MED13L: variants seen among roughly 807,000 people sequenced by gnomAD.
The protein encoded by MED13L is mediator of RNA polymerase II transcription subunit 13-like.
In MED13L, 7 loss-of-function variants were observed where a neutral mutation model predicts 220.9. That is an observed-to-expected ratio of 0.03 (90% CI 0.02 to 0.06). The LOEUF (loss-of-function observed/expected upper bound fraction) is 0.06. Among genes scored for constraint, MED13L ranks in the 10% least tolerant of loss-of-function variants. The probability of loss-of-function intolerance (pLI) is 1.00; values close to 1 mark genes in which losing one functional copy is unlikely to be tolerated. For synonymous variants in MED13L, 1,011 were observed against 1,015.2 expected, an observed-to-expected ratio of 1.00 and a Z score of 0.08; for missense variants, 1,965 against 2,760.5, an observed-to-expected ratio of 0.71 and a Z score of 6.46.
chr12:116,263,336 T>C lies in MED13L; in HGVS notation c.72+13724A>G, dbSNP rs112675810. On this transcript the variant is annotated intron_variant, in intron 1 of 30. Transcript: ENST00000281928. Reference sequence around the variant, plus strand: ...GAAGACCAAAAAAAGTAAAACTGACTGAGAAAAGGTCTAAAAATCTCATTA... The same window carrying C: ...GAAGACCAAAAAAAGTAAAACTGACCGAGAAAAGGTCTAAAAATCTCATTA... Among the ~76,000 whole-genome samples the C allele has an allele frequency of 8.0e-3, 1,219 of 152,238 alleles. 24 individuals are homozygous for C. Among genetic ancestry groups the C allele is most frequent in the African/African-American group, 0.028 (1,150 of 41,530 alleles).
intron 3 of MED13L, among the ~76,000 whole-genome samples, chr12:116,102,268 T>C (rs1873120740): frequency 6.6e-6 from 1 of 152,204 alleles, no homozygotes; most frequent in Admixed American, 6.5e-5. Flanking sequence ...CAGGCAGACC[T>C]GACGTAAGAT....
chr12:116,020,274 C>T (rs1879981991), intron 5 of MED13L, among the ~76,000 whole-genome samples: 1 of 149,854 alleles, frequency 6.7e-6, no homozygotes, highest in South Asian at 2.1e-4. Flanking sequence ...ATTATTTATA[C>T]ACCTCTCACC....
At chr12:115,997,874 T>C (rs1398815088) in intron 14 of MED13L, among the ~76,000 whole-genome samples, 4 of 152,250 alleles carry the variant, frequency 2.6e-5, no homozygotes, top group African/African-American at 9.6e-5. Context: ...TGGAAGCAAT[T>C]AGATAGTTAC....
chr12:116,242,351 T>C (rs772433110), intron 1 of MED13L, among the ~76,000 whole-genome samples: 1 of 152,184 alleles, frequency 6.6e-6, no homozygotes, highest in Admixed American at 6.5e-5. Context: ...AGCCATACTG[T>C]CTCAATTTCT....
Position 115,991,456 on chromosome 12 carries a change from C to A in MED13L, c.3498G>T (p.Ala1166=), listed in dbSNP as rs200960898. The change falls in exon 17 of 31, where the codon GCG becomes GCT. Residue 1166 remains alanine (A), a synonymous_variant. Coordinates refer to ENST00000281928, the MANE Select transcript of MED13L (RefSeq NM_015335.5). The surrounding 1 kb of genome is among the most constrained non-coding windows in gnomAD (Gnocchi z 7.7). The part of the protein sequence containing the change: ...DQYRCTCGFS[A]IMNRKLGYNS... ...TGTAGCCAAGTTTGCGGTTCATAATCGCACTAAACCCACAGGTACAGCGGT... is the reference window on the plus strand; with the variant it reads ...TGTAGCCAAGTTTGCGGTTCATAATAGCACTAAACCCACAGGTACAGCGGT... 1.3e-4 allele frequency: 207 copies of A among 1,614,132 alleles called. No individual in the cohort carries two copies. The highest frequency in any genetic ancestry group is 3.3e-4 in the Middle Eastern group (2 of 6,062).
intron 2 of MED13L, among the ~76,000 whole-genome samples, chr12:116,182,296 T>A (rs1880582023): frequency 6.6e-6 from 1 of 152,156 alleles, no homozygotes; most frequent in Non-Finnish European, 1.5e-5. Flanking sequence ...AGAAATCAAA[T>A]CACACTTCCC....
intron 4 of MED13L, among the ~76,000 whole-genome samples, chr12:116,025,427 C>G (rs942085202): frequency 6.6e-6 from 1 of 152,188 alleles, no homozygotes; most frequent in African/African-American, 2.4e-5. Flanking sequence ...GTTATCTGCA[C>G]TCCCTTGCTT....
At chr12:116,016,521 T>C (rs952832867) in intron 7 of MED13L, among the ~76,000 whole-genome samples, 4 of 152,150 alleles carry the variant, frequency 2.6e-5, no homozygotes, top group African/African-American at 2.4e-5. Flanking sequence ...AACAGAAGTA[T>C]GAAGTAGATA....
In MED13L at chr12:115,972,067, A is replaced by C. The variant is rs138264591; in HGVS notation, c.5890+11T>G. 83 of 1,613,604 alleles carry C rather than the reference A, an allele frequency of 5.1e-5. No homozygotes were observed. The highest frequency in any genetic ancestry group is 5.0e-4 in the Middle Eastern group (3 of 6,052). Reference sequence around the variant, plus strand: ...ATATGTAATTAATGACAATGACAAGAAGAAATTTACCTGGCATCACTACAA... The same window carrying C: ...ATATGTAATTAATGACAATGACAAGCAGAAATTTACCTGGCATCACTACAA... On this transcript the variant is annotated intron_variant, in intron 26 of 30. Coordinates refer to ENST00000281928, the MANE Select transcript of MED13L (RefSeq NM_015335.5).
intron 2 of MED13L, among the ~76,000 whole-genome samples, chr12:116,156,383 T>G (rs1878433794): frequency 7.2e-6 from 1 of 138,304 alleles, no homozygotes; most frequent in South Asian, 2.3e-4. Context: ...ACAGTGTAAA[T>G]GTAAAGTCTC....
chr12:116,132,098 G>A (rs1456676171), intron 2 of MED13L, among the ~76,000 whole-genome samples: 1 of 152,022 alleles, frequency 6.6e-6, no homozygotes, highest in Non-Finnish European at 1.5e-5. Flanking sequence ...GGCCAACACT[G>A]TGAAACCCCG....
chr12:116,260,528 T>A (rs1446200208), intron 1 of MED13L, among the ~76,000 whole-genome samples: 2 of 152,004 alleles, frequency 1.3e-5, no homozygotes, highest in Non-Finnish European at 2.9e-5. Flanking sequence ...AAATACAACA[T>A]GGCATAACAA....
intron 2 of MED13L, among the ~76,000 whole-genome samples, chr12:116,140,912 C>A (rs780885134): frequency 1.1e-4 from 17 of 152,304 alleles, no homozygotes; most frequent in Middle Eastern, 6.8e-3. Flanking sequence ...CTTTGTTAGA[C>A]TATAAATTCC....
chr12:116,057,265 C>G (rs570601206), intron 4 of MED13L, among the ~76,000 whole-genome samples: 1 of 152,204 alleles, frequency 6.6e-6, no homozygotes, highest in South Asian at 2.1e-4. Flanking sequence ...AATTAATAAT[C>G]CTCCTGGAAC....
At chr12:116,123,242 C>G (rs779286160) in intron 2 of MED13L, among the ~76,000 whole-genome samples, 1 of 152,030 alleles carries the variant, frequency 6.6e-6, no homozygotes, top group Non-Finnish European at 1.5e-5. Flanking sequence ...AAGCTTACAT[C>G]ATATTTGAAA....
chr12:115,970,568 A>T, intron 27 of MED13L, 26 bp downstream of exon 27: 1 of 1,610,370 alleles, frequency 6.2e-7, no homozygotes, highest in Non-Finnish European at 8.5e-7. Flanking sequence ...GAAGGTGAGC[A>T]CTATCCATAC....
intron 4 of MED13L, among the ~76,000 whole-genome samples, chr12:116,064,064 C>A (rs746958391): frequency 2.0e-5 from 3 of 151,996 alleles, no homozygotes; most frequent in African/African-American, 7.2e-5. Flanking sequence ...GTGGCACATG[C>A]CTGTAGTCCC....
chr12:116,251,845 A>G (rs1864981895), intron 1 of MED13L, among the ~76,000 whole-genome samples: 1 of 151,978 alleles, frequency 6.6e-6, no homozygotes, highest in Non-Finnish European at 1.5e-5. Context: ...GTTGAGAGTG[A>G]AATGACAGAA....
intron 22 of MED13L, chr12:115,982,165 A>G: frequency 1.8e-6 from 1 of 561,816 alleles, no homozygotes; most frequent in East Asian, 3.1e-5. Context: ...ACATAAATAA[A>G]TTTTATGTTT....
Sources: gnomAD v4.1 joint callset for allele counts (sites outside exome capture counted in the v4.1 genomes callset) on GRCh38, gnomAD v4.1.1 for gene constraint, Gnocchi (gnomAD v3.1) non-coding constraint, MANE v1.5 for transcripts, NCBI Gene and HGNC (gene_info 2026-07-23, HGNC 2026-07-21) for gene names.